The following THBS4 variants were observed in gnomAD, a reference collection of about 807,000 sequenced individuals.
THBS4 encodes the protein thrombospondin 4, also known as thrombospondin-4.
THBS4 carries 90 observed loss-of-function variants against 115.7 expected under a neutral mutation model. The ratio of observed to expected loss-of-function variants is 0.78; its 90% confidence interval spans 0.66 to 0.93. The LOEUF (loss-of-function observed/expected upper bound fraction) is 0.93. Ranked by LOEUF, THBS4 falls within the 40% of genes least tolerant of loss-of-function variation. The pLI, the probability that THBS4 is intolerant of heterozygous loss-of-function variation, is 0.00. For missense variants in THBS4, 1,087 were observed against 1,232.7 expected (o/e 0.88, Z 1.77); for synonymous variants, 460 against 479.3 (o/e 0.96, Z 0.53).
chr5:80,038,407 CT>C (rs1297460656), intron 1 of THBS4, among the ~76,000 whole-genome samples: 2 of 152,060 alleles, frequency 1.3e-5, no homozygotes, highest in African/African-American at 4.8e-5. Flanking sequence ...TAGTATTCTG[CT>C]TTTTGGAAGA....
In THBS4 at chr5:80,001,586, G is replaced by A. The variant is rs572230605; in HGVS notation, n.177+3159G>A. On this transcript the variant is annotated intron_variant and non_coding_transcript_variant, in intron 2 of 3. Coordinates refer to the THBS4 transcript ENST00000510218. Reference sequence around the variant, plus strand: ...ATTCACCCATCTGCAGAGGGCTTGGGGATGAAACAGTGTCAGTGAAGCACT... The same window carrying A: ...ATTCACCCATCTGCAGAGGGCTTGGAGATGAAACAGTGTCAGTGAAGCACT... Among the ~76,000 whole-genome samples the A allele has an allele frequency of 9.2e-5, 14 of 152,322 alleles. No individual in the cohort carries two copies. The East Asian group carries it at 1.7e-3, about 19-fold the overall frequency.
chr5:80,016,391 A>G (rs1246773072), intron 2 of THBS4, among the ~76,000 whole-genome samples: 1 of 151,952 alleles, frequency 6.6e-6, no homozygotes, highest in Non-Finnish European at 1.5e-5. Flanking sequence ...ATCATGTTTT[A>G]TTTTATTTCA....
Position 80,070,430 on chromosome 5 carries a change from A to C in THBS4, c.1452+20A>C, listed in dbSNP as rs1032583026. On this transcript the variant is annotated intron_variant, in intron 11 of 21. Transcript: ENST00000350881. ...AAAAAGGTAAGGGGTGTGGGGTGGC[A>C]GTAGGCACACATGCACTGTGGCTTT... The C allele has an allele frequency of 1.4e-5, 22 of 1,605,398 alleles. No individual in the cohort carries two copies. The Admixed American group carries it at 2.5e-4, about 18-fold the overall frequency.
intron 1 of THBS4, among the ~76,000 whole-genome samples, chr5:80,037,696 A>G (rs1832761277): frequency 1.3e-5 from 2 of 152,356 alleles, no homozygotes; most frequent in South Asian, 2.1e-4. Context: ...AAGAATCAAG[A>G]GTACTAAGAA....
intron 17 of THBS4, 193 bp from the exon 18 acceptor site, chr5:80,078,728 T>C (rs1442940356): frequency 3.8e-6 from 2 of 525,442 alleles, no homozygotes; most frequent in Non-Finnish European, 6.5e-6. Context: ...TTTGAGCTTT[T>C]TTTTAACCTT....
intron 2 of THBS4, among the ~76,000 whole-genome samples, chr5:80,021,926 G>A (rs1051224308): frequency 6.6e-6 from 1 of 152,046 alleles, no homozygotes; most frequent in African/African-American, 2.4e-5. Context: ...TTCCCCTAGA[G>A]GTGTTCTCCT....
intron 2 of THBS4, among the ~76,000 whole-genome samples, chr5:80,013,221 C>T (rs1029486978): frequency 6.6e-6 from 1 of 152,102 alleles, no homozygotes; most frequent in South Asian, 2.1e-4. Flanking sequence ...CTCACTGCAA[C>T]CTCTGCCTCC....
Position 80,040,146 on chromosome 5 carries a change from C to T in THBS4, c.158C>T (p.Pro53Leu), listed in dbSNP as rs139299549. Residue 53 changes from proline to leucine, a missense_variant, in exon 2 of 22, where the codon CCC becomes CTC. Physicochemically the swap from Pro to Leu is moderately conservative, Grantham distance 98. Coordinates refer to ENST00000350881, the MANE Select transcript of THBS4 (RefSeq NM_003248.6). ...GCTCTGCTGCCAGTCCTGACAGACC[C>T]CGCCCTGAATGATCTCTATGTGATT... The part of the protein sequence containing the change: ...PGALLPVLTD[P>L]ALNDLYVIST... 8 of 1,614,034 alleles carry T rather than the reference C, an allele frequency of 5.0e-6. No individual in the cohort carries two copies. Among genetic ancestry groups the T allele is most frequent in the Non-Finnish European group, 6.8e-6 (8 of 1,180,040 alleles).
At chr5:80,033,002 G>A (rs1156964842), upstream of THBS4, among the ~76,000 whole-genome samples, 1 of 152,072 alleles carries the variant, frequency 6.6e-6, no homozygotes, top group Non-Finnish European at 1.5e-5. Context: ...GTTTGTTTTG[G>A]TTTTGAATCT....
In THBS4 at chr5:80,067,796, T is replaced by C. The variant is rs902064427; in HGVS notation, c.1195-177T>C. On this transcript the variant is annotated intron_variant, in intron 9 of 21. Transcript: ENST00000350881. ...CCGGACGCAGCCTCCAGTCTGATGG[T>C]GTTTTCATCAACATTCACATGATCT... 17 of 639,526 alleles carry C rather than the reference T, an allele frequency of 2.7e-5. No homozygotes were observed. The African/African-American group carries it at 2.8e-4, about 10-fold the overall frequency. The allele number at this position is 639,526 out of a possible 1,614,324, so 39.6% of individuals were successfully genotyped here.
chr5:80,079,352 T>TA (rs58612197), intron 19 of THBS4, 94 bp downstream of exon 19: 42 of 1,346,310 alleles, frequency 3.1e-5, no homozygotes, highest in Middle Eastern at 2.2e-4. Flanking sequence ...TTAGTTAATC[T>TA]AAAAAAAATT....
chr5:80,081,185 G>A (rs924518545), intron 20 of THBS4, among the ~76,000 whole-genome samples: 2 of 152,096 alleles, frequency 1.3e-5, no homozygotes, highest in African/African-American at 2.4e-5. Context: ...AAGCAGCCTT[G>A]TGGAAAAAAG....
Position 80,068,005 on chromosome 5 carries a change from G to A in THBS4, c.1227G>A (p.Gly409=), listed in dbSNP as rs765938606. The change falls in exon 10 of 22, where the codon GGG becomes GGA. Residue 409 remains glycine (G), a synonymous_variant. Coordinates refer to ENST00000350881, the MANE Select transcript of THBS4 (RefSeq NM_003248.6). ...GSYRCGPCKP[G]YTGDQIRGCK... ...ACCGCTGTGGGCCTTGTAAGCCGGG[G>A]TATACTGGTGATCAGATAAGGGGAT... 7 of 1,614,172 alleles carry A rather than the reference G, an allele frequency of 4.3e-6. No individual in the cohort carries two copies. Among genetic ancestry groups the A allele is most frequent in the Non-Finnish European group, 5.9e-6 (7 of 1,180,032 alleles).
chr5:80,068,276 C>A, intron 10 of THBS4, 151 bp downstream of exon 10: 1 of 1,002,628 alleles, frequency 1.0e-6, no homozygotes, highest in Non-Finnish European at 1.4e-6. Flanking sequence ...CAGGGTCCAC[C>A]GAGTTTGTGG....
chr5:80,056,109 G>A, intron 3 of THBS4, 77 bp downstream of exon 3: 11 of 1,475,126 alleles, frequency 7.5e-6, no homozygotes, highest in Non-Finnish European at 9.9e-6. Context: ...AGCGTGCTGA[G>A]AAATTCCTGC....
At chr5:80,013,851 G>C (rs781339984) in intron 2 of THBS4, among the ~76,000 whole-genome samples, 1 of 152,216 alleles carries the variant, frequency 6.6e-6, no homozygotes, top group Admixed American at 6.5e-5. Context: ...GGCCTAAAAC[G>C]TAGTAAGCAC....
chr5:80,063,913 T>C (rs1173316126), intron 8 of THBS4, among the ~76,000 whole-genome samples: 1 of 152,204 alleles, frequency 6.6e-6, no homozygotes, highest in East Asian at 1.9e-4. Context: ...GCCAGAACTG[T>C]GACTAGAGCT....
At chr5:80,081,099 C>T (rs549951020) in intron 20 of THBS4, among the ~76,000 whole-genome samples, 4 of 151,948 alleles carry the variant, frequency 2.6e-5, no homozygotes, top group Non-Finnish European at 5.9e-5. Flanking sequence ...TTTGAACTTG[C>T]AGATCAACAC....
intron 2 of THBS4, among the ~76,000 whole-genome samples, chr5:80,046,072 T>A (rs1833056617): frequency 6.6e-6 from 1 of 152,230 alleles, no homozygotes. Context: ...TGGATGTTTT[T>A]AGCCATGTTC....
Sources: allele counts gnomAD v4.1 joint callset (sites outside exome capture counted in the v4.1 genomes callset), GRCh38; gene constraint gnomAD v4.1.1; transcripts MANE v1.5; gene names NCBI Gene and HGNC (gene_info 2026-07-23, HGNC 2026-07-21).